SAXO2: variants seen among roughly 807,000 people sequenced by gnomAD.
SAXO2 encodes the protein stabilizer of axonemal microtubules 2.
A neutral mutation model predicts 18.7 loss-of-function variants in SAXO2; 17 were observed. The observed-to-expected ratio is 0.91, with a 90% CI of 0.62 to 1.36. The LOEUF is 1.36. Among genes scored for constraint, SAXO2 ranks in the 40% most tolerant of loss-of-function variants. The pLI, the probability that SAXO2 is intolerant of heterozygous loss-of-function variation, is 0.00. For missense variants in SAXO2, 486 were observed against 562.6 expected, an observed-to-expected ratio of 0.86 and a Z score of 1.38; for synonymous variants, 163 against 181.2, an observed-to-expected ratio of 0.90 and a Z score of 0.81.
chr15:82,278,706 T>C (rs1434351753), intron 3 of SAXO2, among the ~76,000 whole-genome samples: 1 of 152,184 alleles, frequency 6.6e-6, no homozygotes, highest in African/African-American at 2.4e-5. Flanking sequence ...GTGCAATGTG[T>C]GTTTTTGATC....
chr15:82,282,509 G>C lies in SAXO2; in HGVS notation c.824G>C (p.Ser275Thr). ...ACCCAGAATGCTCTGTTTGAAGGAA[G>C]CACTGAATTCCGTGAAAGTTTTCAA... Reference protein sequence around the residue: ...RVTQNALFEGSTEFRESFQPW... With the variant: ...RVTQNALFEGTTEFRESFQPW... The change falls in exon 4 of 4, where the codon AGC becomes ACC. Residue 275 changes from serine to threonine, a missense_variant. Coordinates refer to ENST00000682753, the MANE Select transcript of SAXO2 (RefSeq NM_001348699.2). The C allele has an allele frequency of 6.2e-7, 1 of 1,614,150 alleles. No homozygotes were observed. The highest frequency in any genetic ancestry group is 8.5e-7 in the Non-Finnish European group (1 of 1,180,032).
chr15:82,262,829 G>C lies in SAXO2; in HGVS notation c.-51G>C, dbSNP rs370103714. ...CCCTCTGTTGCCTTGACTACGGCGG[G>C]CGCTGTGGGAGTGGAGAAGCTGCAA... On this transcript the variant is annotated 5_prime_UTR_variant, in exon 1 of 4. Coordinates refer to ENST00000682753, the MANE Select transcript of SAXO2 (RefSeq NM_001348699.2). 88 of 1,547,668 alleles carry C rather than the reference G, an allele frequency of 5.7e-5. No individual in the cohort carries two copies. In the African/African-American group the frequency reaches 1.0e-3, roughly 18 times the overall value.
intron 1 of SAXO2, 127 bp downstream of exon 1, chr15:82,263,059 G>A: frequency 6.5e-7 from 1 of 1,527,118 alleles, no homozygotes; most frequent in Non-Finnish European, 8.8e-7. Flanking sequence ...CGAGGGCGCA[G>A]CGACATCCCC....
At chr15:82,271,512 G>T in intron 2 of SAXO2, 91 bp from the exon 3 acceptor site, 2 of 1,100,364 alleles carry the variant, frequency 1.8e-6, no homozygotes, top group Non-Finnish European at 2.5e-6. Flanking sequence ...CAGTAAAAAA[G>T]AAAAAAAAGC....
Position 82,271,609 on chromosome 15 carries a change from T to C in SAXO2, c.240T>C (p.Asp80=). 1 of 1,611,018 alleles carries C rather than the reference T, an allele frequency of 6.2e-7. No homozygotes were observed. The highest frequency in any genetic ancestry group is 8.5e-7 in the Non-Finnish European group (1 of 1,178,594). Residue 80 remains aspartate, a synonymous_variant, in exon 3 of 4, where the codon GAT becomes GAC. Coordinates refer to ENST00000682753, the MANE Select transcript of SAXO2 (RefSeq NM_001348699.2). The part of the protein sequence containing the change: ...KMEGITTFKS[D]YCPYEIVKQP... Reference sequence around the variant, plus strand: ...TCAAATTTATATATTTCAGGTCGGATTATTGTCCTTATGAAATAGTTAAAC... The same window carrying C: ...TCAAATTTATATATTTCAGGTCGGACTATTGTCCTTATGAAATAGTTAAAC...
In SAXO2 at chr15:82,282,825, A is replaced by G. The variant is rs773086764; in HGVS notation, c.1140A>G (p.Arg380=). ...SGKFDGLSTF[R]SHYVPHELIP... ...AATTTGATGGTTTGAGCACTTTCAG[A>G]TCTCACTATGTGCCACATGAATTGA... Residue 380 remains arginine, a synonymous_variant, in exon 4 of 4, where the codon AGA becomes AGG. Transcript: ENST00000682753. 6.2e-7 allele frequency: 1 copy of G among 1,614,004 alleles called. No homozygotes were observed. Among genetic ancestry groups the G allele is most frequent in the Admixed American group, 1.7e-5 (1 of 60,004 alleles).
At chr15:82,263,064 A>T in intron 1 of SAXO2, 132 bp downstream of exon 1, 2 of 1,510,224 alleles carry the variant, frequency 1.3e-6, no homozygotes, top group Non-Finnish European at 1.8e-6. Context: ...GCGCAGCGAC[A>T]TCCCCACTTA....
intron 3 of SAXO2, among the ~76,000 whole-genome samples, chr15:82,273,672 T>C (rs1376491595): frequency 6.6e-6 from 1 of 152,082 alleles, no homozygotes; most frequent in African/African-American, 2.4e-5. Context: ...TAGATTGATA[T>C]GCGTAGGAGA....
At chr15:82,282,043 A>G in intron 3 of SAXO2, 76 bp from the exon 4 acceptor site, 1 of 1,151,064 alleles carries the variant, frequency 8.7e-7, no homozygotes, top group Non-Finnish European at 1.2e-6. Flanking sequence ...CAATGAGAGA[A>G]GTCAGTTATG....
Position 82,271,731 on chromosome 15 carries a change from C to T in SAXO2, c.362C>T (p.Pro121Leu), listed in dbSNP as rs775266291. ...KRDLNSYKVQ[P>L]VAIVRPLERQ... The stretch of plus-strand genomic sequence containing the variant: ...GATTTGAATTCGTATAAAGTGCAGC[C>T]TGTGGCAATAGTCCGGCCTTTGGAG... The change falls in exon 3 of 4, where the codon CCT becomes CTT. Residue 121 changes from proline (P) to leucine (L), a missense_variant. Transcript: ENST00000682753. 1 of 1,614,104 alleles carries T rather than the reference C, an allele frequency of 6.2e-7. No homozygotes were observed. Among genetic ancestry groups the T allele is most frequent in the Non-Finnish European group, 8.5e-7 (1 of 1,180,002 alleles).
chr15:82,263,650 T>G (rs1203342131), intron 1 of SAXO2, among the ~76,000 whole-genome samples: 2 of 152,248 alleles, frequency 1.3e-5, no homozygotes, highest in African/African-American at 4.8e-5. Flanking sequence ...GGAAAGCAGT[T>G]TTTTTAATAG....
intron 3 of SAXO2, among the ~76,000 whole-genome samples, chr15:82,275,955 G>A (rs140791783): frequency 2.2e-3 from 336 of 152,186 alleles, no homozygotes; most frequent in Non-Finnish European, 3.8e-3. Context: ...AAAGGAAGTC[G>A]AATTATGTCT....
At chr15:82,264,934 C>T (rs1441528595) in intron 1 of SAXO2, 5 of 573,870 alleles carry the variant, frequency 8.7e-6, no homozygotes, top group Admixed American at 6.0e-5. Context: ...TGTGAATACA[C>T]ATAGTAGGTG....
At chr15:82,273,573 A>G (rs1419043821) in intron 3 of SAXO2, among the ~76,000 whole-genome samples, 2 of 152,160 alleles carry the variant, frequency 1.3e-5, no homozygotes, top group African/African-American at 2.4e-5. Flanking sequence ...AGCACATAAC[A>G]TACTACACAA....
At chr15:82,266,232 C>CAT (rs2075217343) in intron 2 of SAXO2, among the ~76,000 whole-genome samples, 1 of 152,146 alleles carries the variant, frequency 6.6e-6, no homozygotes, top group African/African-American at 2.4e-5. Flanking sequence ...TCCTGGGCTG[C>CAT]ATGCAGCCCA....
At chr15:82,273,749 G>A (rs1177094568) in intron 3 of SAXO2, among the ~76,000 whole-genome samples, 3 of 151,886 alleles carry the variant, frequency 2.0e-5, no homozygotes, top group African/African-American at 7.2e-5. Context: ...TTTTTTGTTT[G>A]TTTTTTGAGA....
intron 1 of SAXO2, among the ~76,000 whole-genome samples, chr15:82,264,131 CGCAATCTCGGCTCACT>C (rs2075181378): frequency 7.1e-6 from 1 of 141,690 alleles, no homozygotes; most frequent in Non-Finnish European, 1.5e-5. Flanking sequence ...AGTGCAGTGG[CGCAATCTCGGCTCACT>C]GCAATCTCCG....
intron 1 of SAXO2, among the ~76,000 whole-genome samples, chr15:82,264,197 G>C (rs1260011863): frequency 6.6e-6 from 1 of 150,378 alleles, no homozygotes; most frequent in East Asian, 2.0e-4. Flanking sequence ...CAGCCTCTCT[G>C]AGTAGCTGGG....
rs1157452043 is a variant in SAXO2 at position 82,282,297 on chromosome 15, T to A, written c.612T>A (p.Pro204=). 6.2e-7 allele frequency: 1 copy of A among 1,614,098 alleles called. No individual in the cohort carries two copies. Among genetic ancestry groups the A allele is most frequent in the Non-Finnish European group, 8.5e-7 (1 of 1,180,046 alleles). ...CTGTGGTCAAACGTTCTACAGCCCCTTTTAATGGTATTACAAGTCATCGCC... is the reference window on the plus strand; with the variant it reads ...CTGTGGTCAAACGTTCTACAGCCCCATTTAATGGTATTACAAGTCATCGCC... ...PSSVVKRSTA[P]FNGITSHRLD... is the part of the protein sequence containing the mutation. The change falls in exon 4 of 4, where the codon CCT becomes CCA. Residue 204 remains proline (P), a synonymous_variant. Coordinates refer to ENST00000682753, the MANE Select transcript of SAXO2 (RefSeq NM_001348699.2).
Sources: gnomAD v4.1 joint callset for allele counts (sites outside exome capture counted in the v4.1 genomes callset) on GRCh38, gnomAD v4.1.1 for gene constraint, MANE v1.5 for transcripts, NCBI Gene and HGNC (gene_info 2026-07-23, HGNC 2026-07-21) for gene names.